The following ARHGEF9 variants were observed in gnomAD, a reference collection of about 807,000 sequenced individuals.
ARHGEF9 encodes the protein rho guanine nucleotide exchange factor 9.
ARHGEF9 carries 2 observed loss-of-function variants against 41.3 expected under a neutral mutation model. The ratio of observed to expected loss-of-function variants is 0.05; its 90% CI spans 0.02 to 0.15. The LOEUF is 0.15. ARHGEF9 is among the 10% of genes least tolerant of loss of function. The pLI, the probability that ARHGEF9 is intolerant of heterozygous loss-of-function variation, is 1.00. For synonymous variants in ARHGEF9, 160 were observed against 154.4 expected (o/e 1.04, Z -0.27); for missense variants, 225 against 424.7 (o/e 0.53, Z 4.13).
At chrX:63,652,738 G>A (rs782114468) in intron 8 of ARHGEF9, among the ~76,000 whole-genome samples, 4 of 111,375 alleles carry the variant, frequency 3.6e-5, no homozygotes, top group Non-Finnish European at 7.5e-5. Flanking sequence ...CCCCTGATAC[G>A]GTTTGGCTCT....
rs781987310 is a variant in ARHGEF9 at position 63,714,700 on chromosome X, C to T, written c.211-8251G>A. Among the ~76,000 whole-genome samples, 9 of 111,697 alleles carry T rather than the reference C, an allele frequency of 8.1e-5. 1 individual carries two copies. In the East Asian group the frequency reaches 2.3e-3, roughly 28 times the overall value. On this transcript the variant is annotated intron_variant, in intron 2 of 9. Coordinates refer to ENST00000671741, the MANE Select transcript of ARHGEF9 (RefSeq NM_001353921.2). ...GATTAAATAAGGTAGTTTATTTAAT[C>T]CTTATTAAACTGTGCATGTAAAACA...
chrX:63,709,334 C>T (rs1404020015), intron 2 of ARHGEF9, among the ~76,000 whole-genome samples: 3 of 112,134 alleles, frequency 2.7e-5, no homozygotes, highest in Non-Finnish European at 3.8e-5. Context: ...TTAACAAATA[C>T]TTTGGACCTA....
intron 3 of ARHGEF9, chrX:63,703,250 A>T (rs1366861212): frequency 9.0e-6 from 1 of 111,699 alleles, no homozygotes; most frequent in East Asian, 2.8e-4. Flanking sequence ...TGGATTGGAA[A>T]CTCCTTAAAG....
intron 1 of ARHGEF9, among the ~76,000 whole-genome samples, chrX:63,740,489 A>G (rs2054890627): frequency 1.8e-5 from 2 of 112,291 alleles, no homozygotes; most frequent in South Asian, 7.4e-4. Flanking sequence ...GAGCCTTTCC[A>G]TCATCTAAGG....
intron 1 of ARHGEF9, among the ~76,000 whole-genome samples, chrX:63,771,543 TAGGTGGGCTTCATCC>T (rs1329637966): frequency 9.0e-6 from 1 of 111,066 alleles, no homozygotes; most frequent in Non-Finnish European, 1.9e-5. Context: ...CTGCATAATG[TAGGTGGGCTTCATCC>T]AGTCAGTTGA....
At chrX:63,664,379 G>A (rs2049393013) in intron 7 of ARHGEF9, among the ~76,000 whole-genome samples, 2 of 112,348 alleles carry the variant, frequency 1.8e-5, no homozygotes, top group Admixed American at 1.9e-4. Context: ...CCCAGCCTTG[G>A]CTAACAGATG....
Position 63,635,279 on chromosome X carries a change from A to G in ARHGEF9, c.*2749T>C, listed in dbSNP as rs1556295410. 1 of 512,054 alleles carries G rather than the reference A, an allele frequency of 2.0e-6. No homozygotes were observed. The highest frequency in any genetic ancestry group is 3.7e-5 in the East Asian group (1 of 27,090). The allele number at this position is 512,054 out of a possible 1,213,427, so 42.2% of individuals were successfully genotyped here. On this transcript the variant is annotated 3_prime_UTR_variant, in exon 10 of 10. Coordinates refer to ENST00000671741, the MANE Select transcript of ARHGEF9 (RefSeq NM_001353921.2). ...ATAGATCCATTAGAAATATACACAT[A>G]GAGAGGGGGGGAAAAAGAGAGAATA...
In ARHGEF9 at chrX:63,637,876, GTGTGTC is replaced by G. The variant is rs1186882392; in HGVS notation, c.*146_*151del. On this transcript the variant is annotated 3_prime_UTR_variant, in exon 10 of 10. Coordinates refer to ENST00000671741, the MANE Select transcript of ARHGEF9 (RefSeq NM_001353921.2). ...TGTGTGTGTGTGTGTGTGTGTGTGT[GTGTGTC>G]TGTGTGTGTGTGTGTGTATGTGTAC... The G allele has an allele frequency of 3.6e-4, 150 of 412,319 alleles. No individual in the cohort carries two copies. In the East Asian group the frequency reaches 5.6e-3, roughly 15 times the overall value. The allele number at this position is 412,319 out of a possible 1,213,427, so 34.0% of individuals were successfully genotyped here. A position where few individuals can be genotyped will look rare whatever the true frequency, so the allele number is the denominator to read the frequency against.
intron 2 of ARHGEF9, among the ~76,000 whole-genome samples, chrX:63,708,370 T>C (rs1394793873): frequency 2.7e-5 from 3 of 111,971 alleles, no homozygotes; most frequent in African/African-American, 9.7e-5. Context: ...CACTTTTGGA[T>C]AGCTGGAATA....
At chrX:63,718,729 G>T (rs2053470852) in intron 2 of ARHGEF9, among the ~76,000 whole-genome samples, 1 of 112,173 alleles carries the variant, frequency 8.9e-6, no homozygotes, top group Non-Finnish European at 1.9e-5. Context: ...ACAGCATAAG[G>T]GCTAGTAGCT....
At chrX:63,678,302 A>G in intron 5 of ARHGEF9, 38 bp downstream of exon 5, 1 of 1,091,280 alleles carries the variant, frequency 9.2e-7, no homozygotes, top group Non-Finnish European at 1.3e-6. Flanking sequence ...AGATAGAGGA[A>G]GTTCCCTCAT....
In ARHGEF9 at chrX:63,768,229, G is replaced by A. The variant is rs782777259; in HGVS notation, c.30+16887C>T. ...TCCCACTTATAAGTGAGAACATACA[G>A]TATTTGATTTTCCATTCCTGAGTTA... On this transcript the variant is annotated intron_variant, in intron 1 of 9. Transcript: ENST00000671741. 8.0e-5 allele frequency among the ~76,000 whole-genome samples: 9 copies of A among 111,967 alleles called. 1 individual carries two copies. The East Asian group carries it at 2.5e-3, about 32-fold the overall frequency.
chrX:63,741,649 G>T (rs1456880238), intron 1 of ARHGEF9, among the ~76,000 whole-genome samples: 4 of 112,660 alleles, frequency 3.6e-5, no homozygotes, highest in African/African-American at 1.3e-4. Context: ...CAGTATATCT[G>T]AGAGTGCATC....
In ARHGEF9 at chrX:63,636,496, A is replaced by C. The variant is rs782296979; in HGVS notation, c.*1532T>G. ...TGCCTCAGACACGTTATTCAGAGGG[A>C]AAATTGCCCCTGGGCCCCTAACTCA... On this transcript the variant is annotated 3_prime_UTR_variant, in exon 10 of 10. Coordinates refer to ENST00000671741, the MANE Select transcript of ARHGEF9 (RefSeq NM_001353921.2). 4.2e-4 allele frequency: 54 copies of C among 127,106 alleles called. No homozygotes were observed. The highest frequency in any genetic ancestry group is 5.8e-4 in the Non-Finnish European group (37 of 63,751). 10.5% of individuals were successfully genotyped at this position (127,106 alleles called of 1,213,427 possible). A position where few individuals can be genotyped will look rare whatever the true frequency, so the allele number is the denominator to read the frequency against.
intron 1 of ARHGEF9, chrX:63,725,091 C>T (rs2053876338): frequency 5.5e-6 from 1 of 181,736 alleles, no homozygotes; most frequent in Non-Finnish European, 1.0e-5. Flanking sequence ...GAGACTCAAG[C>T]TTATTTGCTT....
chrX:63,662,265 G>A (rs1214398142), intron 7 of ARHGEF9, among the ~76,000 whole-genome samples: 3 of 111,826 alleles, frequency 2.7e-5, no homozygotes, highest in African/African-American at 9.8e-5. Context: ...ATCAGGATTT[G>A]AGCCCAGAAT....
intron 9 of ARHGEF9, 69 bp from the exon 10 acceptor site, chrX:63,638,278 G>GAGTGGTCACTGGGTAA: frequency 2.0e-6 from 2 of 1,003,769 alleles, no homozygotes; most frequent in Non-Finnish European, 2.8e-6. Context: ...AAATTACCCA[G>GAGTGGTCACTGGGTAA]TGACCACTCT....
chrX:63,771,979 C>T (rs1489979760), intron 1 of ARHGEF9, among the ~76,000 whole-genome samples: 1 of 111,900 alleles, frequency 8.9e-6, no homozygotes, highest in Non-Finnish European at 1.9e-5. Flanking sequence ...AGCCTGCCTA[C>T]CTACCCTGCA....
At chrX:63,697,353 A>G in intron 3 of ARHGEF9, 49 bp from the exon 4 acceptor site, 1 of 1,131,350 alleles carries the variant, frequency 8.8e-7, no homozygotes, top group African/African-American at 1.8e-5. Flanking sequence ...GACTTCCAGA[A>G]GGCTTTACAC....
Sources: allele counts gnomAD v4.1 joint callset (sites outside exome capture counted in the v4.1 genomes callset), GRCh38; gene constraint gnomAD v4.1.1; transcripts MANE v1.5; gene names NCBI Gene and HGNC (gene_info 2026-07-23, HGNC 2026-07-21).